CRB1: variants seen among roughly 807,000 people sequenced by gnomAD.
CRB1 encodes the protein crumbs cell polarity complex component 1, also known as protein crumbs homolog 1.
In CRB1, 83 loss-of-function variants were observed where a neutral mutation model predicts 120.0. The observed-to-expected ratio is 0.69, with a 90% CI of 0.58 to 0.83. The LOEUF (loss-of-function observed/expected upper bound fraction) is 0.83, where lower values mean the gene tolerates loss of function less well. Ranked by LOEUF, CRB1 falls within the 40% of genes least tolerant of loss-of-function variation. The pLI is 0.00. For synonymous variants in CRB1, 625 were observed against 612.5 expected (o/e 1.02, Z -0.30); for missense variants, 1,699 against 1,687.6 (o/e 1.01, Z -0.12).
intron 5 of CRB1, among the ~76,000 whole-genome samples, chr1:197,373,555 C>A (rs1454259347): frequency 6.6e-6 from 1 of 152,126 alleles, no homozygotes; most frequent in Non-Finnish European, 1.5e-5. Flanking sequence ...TGATCATTAC[C>A]TAGGAGTTGG....
chr1:197,274,057 GTGTC>G lies in CRB1; in HGVS notation c.70+5583_70+5586del, dbSNP rs201656154. 6.4e-3 allele frequency among the ~76,000 whole-genome samples: 972 copies of G among 152,130 alleles called. 9 individuals are homozygous for G. Among genetic ancestry groups the G allele is most frequent in the African/African-American group, 0.022 (908 of 41,524 alleles). On this transcript the variant is annotated intron_variant, in intron 1 of 11. Coordinates refer to ENST00000367400, the MANE Select transcript of CRB1 (RefSeq NM_201253.3). ...TATAGATATCTCTATATGTAAATCT[GTGTC>G]TGTCTGTATTAAGCTAAATATGAGT...
chr1:197,259,699 AAAG>A, the CRB1 span, among the ~76,000 whole-genome samples: 1 of 152,180 alleles, frequency 6.6e-6, no homozygotes, highest in African/African-American at 2.4e-5. Context: ...TTAAAAAAAG[AAAG>A]AAGTATTGAA....
chr1:197,284,841 G>A (rs1376820984), intron 1 of CRB1, among the ~76,000 whole-genome samples: 1 of 151,906 alleles, frequency 6.6e-6, no homozygotes, highest in Non-Finnish European at 1.5e-5. Context: ...GGAATCCACT[G>A]CTTGGTTGTA....
At chr1:197,226,520 C>G in the CRB1 span, among the ~76,000 whole-genome samples, 2 of 151,908 alleles carry the variant, frequency 1.3e-5, no homozygotes, top group African/African-American at 4.8e-5. Context: ...TCCCCTGCCA[C>G]CCATCTGTTG....
chr1:197,260,701 T>C, the CRB1 span, among the ~76,000 whole-genome samples: 1 of 145,592 alleles, frequency 6.9e-6, no homozygotes, highest in Non-Finnish European at 1.5e-5. Context: ...ACTAACTAAT[T>C]TTTTTTTTTT....
intron 11 of CRB1, among the ~76,000 whole-genome samples, chr1:197,453,857 A>G (rs1304044718): frequency 1.6e-4 from 22 of 140,734 alleles, no homozygotes; most frequent in Admixed American, 1.6e-3. Context: ...TATTATTAAT[A>G]TATATTAATA....
chr1:197,231,147 T>C, the CRB1 span, among the ~76,000 whole-genome samples: 2 of 152,202 alleles, frequency 1.3e-5, no homozygotes, highest in African/African-American at 4.8e-5. Context: ...TTATAGCTTC[T>C]TTATTACATG....
intron 10 of CRB1, chr1:197,441,597 A>C (rs1255060820): frequency 1.3e-5 from 2 of 151,674 alleles, no homozygotes; most frequent in Admixed American, 6.6e-5. Flanking sequence ...TTTCCACAGA[A>C]AATAATTCAA....
Position 197,354,390 on chromosome 1 carries a change from G to A in CRB1, c.989-2441G>A, listed in dbSNP as rs371438551. Among the ~76,000 whole-genome samples, 109 of 152,312 alleles carry A rather than the reference G, an allele frequency of 7.2e-4. 1 individual carries two copies. The highest frequency in any genetic ancestry group is 2.3e-3 in the African/African-American group (95 of 41,570). On this transcript the variant is annotated intron_variant, in intron 4 of 11. Transcript: ENST00000367400. ...GTCTGATTGACTCTTCAAGAATGAA[G>A]CCACAGACCCTCGCAGTGAGTGTTA...
At chr1:197,393,115 T>C (rs994380992) in intron 5 of CRB1, among the ~76,000 whole-genome samples, 3 of 152,092 alleles carry the variant, frequency 2.0e-5, no homozygotes, top group Non-Finnish European at 2.9e-5. Flanking sequence ...CAGGACATTT[T>C]AAAACACAGT....
chr1:197,264,661 G>T (rs576914437), upstream of CRB1, among the ~76,000 whole-genome samples: 2 of 138,598 alleles, frequency 1.4e-5, no homozygotes, highest in African/African-American at 2.7e-5. Context: ...TCGCTCTGTC[G>T]CCCAGGCTGG....
intron 1 of CRB1, among the ~76,000 whole-genome samples, chr1:197,272,669 C>T (rs1366127212): frequency 6.6e-6 from 1 of 152,054 alleles, no homozygotes; most frequent in African/African-American, 2.4e-5. Flanking sequence ...GTGAAAGAAG[C>T]TCGTCCAGAA....
intron 6 of CRB1, among the ~76,000 whole-genome samples, chr1:197,425,944 A>T (rs1317667489): frequency 6.6e-6 from 1 of 151,804 alleles, no homozygotes; most frequent in Non-Finnish European, 1.5e-5. Flanking sequence ...GGCCGATGGA[A>T]GGTGGTATAT....
chr1:197,449,099 G>C (rs1461847576), intron 11 of CRB1, among the ~76,000 whole-genome samples: 2 of 152,146 alleles, frequency 1.3e-5, no homozygotes, highest in Non-Finnish European at 2.9e-5. Context: ...CAAAAGAATA[G>C]CAACTATGTC....
chr1:197,390,088 A>T (rs931795399), intron 5 of CRB1, among the ~76,000 whole-genome samples: 1 of 150,514 alleles, frequency 6.6e-6, no homozygotes, highest in Non-Finnish European at 1.5e-5. Flanking sequence ...GAGACACTGT[A>T]GAAAGGAAGT....
chr1:197,312,641 T>C (rs796816682), intron 1 of CRB1, among the ~76,000 whole-genome samples: 19 of 152,110 alleles, frequency 1.2e-4, no homozygotes, highest in African/African-American at 4.1e-4. Context: ...ATAGAAAAAA[T>C]ATAATATGGC....
chr1:197,308,122 C>T (rs751146855), intron 1 of CRB1, among the ~76,000 whole-genome samples: 7 of 152,136 alleles, frequency 4.6e-5, no homozygotes, highest in East Asian at 1.9e-4. Flanking sequence ...AATGAAATCA[C>T]GTTATTTGCA....
intron 7 of CRB1, 68 bp from the exon 8 acceptor site, chr1:197,429,381 T>C: frequency 1.3e-6 from 2 of 1,560,218 alleles, no homozygotes; most frequent in African/African-American, 1.4e-5. Flanking sequence ...AGATATGTGG[T>C]TTCACCGTCA....
Position 197,344,476 on chromosome 1 carries a change from G to A in CRB1, c.848G>A (p.Arg283Lys). ...HGGLCVDGEN[R>K]YSCNCTGSGF... The stretch of plus-strand genomic sequence containing the variant: ...GGGCTGTGTGTGGATGGAGAAAACA[G>A]GTACATTTTCTCTGGCGTTGGGTGA... Residue 283 changes from arginine (R) to lysine (K), a missense_variant and splice_region_variant, in exon 3 of 12, where the codon AGA becomes AAA. Coordinates refer to ENST00000367400, the MANE Select transcript of CRB1 (RefSeq NM_201253.3). 1 of 1,613,482 alleles carries A rather than the reference G, an allele frequency of 6.2e-7. No homozygotes were observed. The highest frequency in any genetic ancestry group is 8.5e-7 in the Non-Finnish European group (1 of 1,179,474).
Sources: gnomAD v4.1 joint callset for allele counts (sites outside exome capture counted in the v4.1 genomes callset) on GRCh38, gnomAD v4.1.1 for gene constraint, MANE v1.5 for transcripts, NCBI Gene and HGNC (gene_info 2026-07-23, HGNC 2026-07-21) for gene names.